GARIN1B: variants seen among roughly 807,000 people sequenced by gnomAD.
GARIN1B encodes golgi associated RAB2 interactor 1B.
chr7:128,724,698 C>G, the GARIN1B span: 8 of 1,285,908 alleles, frequency 6.2e-6, no homozygotes, highest in Admixed American at 1.9e-4. Context: ...AAGGAGAGAA[C>G]AGAAATAAAT....
chr7:128,712,531 CTT>C, the GARIN1B span, among the ~76,000 whole-genome samples: 89 of 152,322 alleles, frequency 5.8e-4, no homozygotes, highest in African/African-American at 2.0e-3. Flanking sequence ...TGTATAAACT[CTT>C]GGCTTCACAA....
At chr7:128,725,075 A>G in the GARIN1B span, 2 of 246,528 alleles carry the variant, frequency 8.1e-6, no homozygotes, top group Non-Finnish European at 1.6e-5. Flanking sequence ...GGCAAATTGT[A>G]AGTAAGCTCT....
the GARIN1B span, chr7:128,715,476 G>A: frequency 1.2e-6 from 2 of 1,614,138 alleles, no homozygotes; most frequent in Non-Finnish European, 1.7e-6. Flanking sequence ...AAGACTTGGA[G>A]GAAATCAAAG....
At chr7:128,730,044 CG>C in the GARIN1B span, 1 of 1,614,054 alleles carries the variant, frequency 6.2e-7, no homozygotes, top group Non-Finnish European at 8.5e-7. Context: ...CAGCCTCCAC[CG>C]GGCCACAGCT....
At chr7:128,724,733 A>T in the GARIN1B span, 4 of 1,289,376 alleles carry the variant, frequency 3.1e-6, no homozygotes, top group South Asian at 4.9e-5. Context: ...AGGAGAGAAA[A>T]ATGAGGTGTC....
At chr7:128,723,831 T>C in the GARIN1B span, among the ~76,000 whole-genome samples, 1 of 151,888 alleles carries the variant, frequency 6.6e-6, no homozygotes, top group Admixed American at 6.6e-5. Flanking sequence ...TCTTTATCCT[T>C]GACTCAGGAC....
chr7:128,724,996 C>T, the GARIN1B span: 1 of 701,712 alleles, frequency 1.4e-6, no homozygotes, highest in Non-Finnish European at 2.0e-6. Flanking sequence ...GTGCCAACGC[C>T]ATCCAGATGT....
the GARIN1B span, among the ~76,000 whole-genome samples, chr7:128,712,932 A>G: frequency 2.6e-5 from 4 of 152,210 alleles, no homozygotes; most frequent in Non-Finnish European, 1.5e-5. Flanking sequence ...GGTCTTACCT[A>G]GCTGCAAGGG....
At chr7:128,709,763 T>C in the GARIN1B span, among the ~76,000 whole-genome samples, 1 of 145,968 alleles carries the variant, frequency 6.9e-6, no homozygotes, top group East Asian at 2.1e-4. Context: ...TTTTTTTTTT[T>C]TTTTTTTAGA....
chr7:128,729,963 A>G, the GARIN1B span: 1 of 1,613,572 alleles, frequency 6.2e-7, no homozygotes, highest in Non-Finnish European at 8.5e-7. Flanking sequence ...GGAGGGCTTC[A>G]TTCACGTACG....
the GARIN1B span, among the ~76,000 whole-genome samples, chr7:128,724,067 G>A: frequency 6.6e-6 from 1 of 152,188 alleles, no homozygotes; most frequent in African/African-American, 2.4e-5. Context: ...CTGGAGTGCA[G>A]TGGCACAGTC....
chr7:128,722,893 A>G, the GARIN1B span, among the ~76,000 whole-genome samples: 1 of 152,194 alleles, frequency 6.6e-6, no homozygotes, highest in Non-Finnish European at 1.5e-5. Flanking sequence ...AACTTTATTA[A>G]AGCTTATATT....
chr7:128,726,281 G>T, the GARIN1B span, among the ~76,000 whole-genome samples: 3 of 152,230 alleles, frequency 2.0e-5, no homozygotes, highest in African/African-American at 7.2e-5. Context: ...ACGAGCTAGG[G>T]AGCTATGGCA....
At chr7:128,713,554 T>C in the GARIN1B span, among the ~76,000 whole-genome samples, 12 of 152,158 alleles carry the variant, frequency 7.9e-5, no homozygotes, top group Admixed American at 2.6e-4. Flanking sequence ...AGAGTGATCC[T>C]CCCAGGAGCC....
chr7:128,715,600 T>A, the GARIN1B span: 1 of 1,613,988 alleles, frequency 6.2e-7, no homozygotes, highest in Non-Finnish European at 8.5e-7. Flanking sequence ...CGGGCCTAGG[T>A]GTGGAGGAGG....
the GARIN1B span, among the ~76,000 whole-genome samples, chr7:128,709,746 C>G: frequency 0.013 from 326 of 25,772 alleles, 2 homozygotes; most frequent in Non-Finnish European, 0.018. Context: ...CTCTCTCTCT[C>G]TCTCTTTTTT....
the GARIN1B span, chr7:128,714,215 G>A: frequency 6.8e-6 from 9 of 1,322,584 alleles, no homozygotes; most frequent in Admixed American, 1.6e-4. Context: ...TCCTTTGTGT[G>A]TAATGATTGT....
chr7:128,719,686 G>C, the GARIN1B span, among the ~76,000 whole-genome samples: 1 of 125,750 alleles, frequency 8.0e-6, no homozygotes, highest in Non-Finnish European at 1.7e-5. Flanking sequence ...AGTTTTTTTT[G>C]TTTTGTTTTG....
the GARIN1B span, chr7:128,723,486 A>T: frequency 3.3e-6 from 2 of 612,838 alleles, no homozygotes; most frequent in Non-Finnish European, 5.1e-6. Flanking sequence ...GTCAAGGCAG[A>T]TGGATTGCTT....
Sources: gnomAD v4.1 joint callset for allele counts (sites outside exome capture counted in the v4.1 genomes callset) on GRCh38, gnomAD v4.1.1 for gene constraint, MANE v1.5 for transcripts, NCBI Gene and HGNC (gene_info 2026-07-23, HGNC 2026-07-21) for gene names.